SHTN1: variants seen among roughly 807,000 people sequenced by gnomAD.
SHTN1 encodes the protein shootin 1, also known as shootin-1.
A neutral mutation model predicts 83.1 loss-of-function variants in SHTN1; 42 were observed. That is an observed-to-expected ratio of 0.51 (90% CI 0.39 to 0.65). SHTN1 has a LOEUF of 0.65. Among genes scored for constraint, SHTN1 ranks in the 30% least tolerant of loss-of-function variants. SHTN1 has a pLI of 0.00. For missense variants in SHTN1, 622 were observed against 737.8 expected (o/e 0.84, Z 1.82); for synonymous variants, 224 against 247.7 (o/e 0.90, Z 0.90).
chr10:116,887,203 G>A (rs971921830), intron 16 of SHTN1, among the ~76,000 whole-genome samples: 2 of 152,156 alleles, frequency 1.3e-5, no homozygotes, highest in African/African-American at 4.8e-5. Context: ...GGAGAATCAG[G>A]TTTCTTGAGA....
intron 8 of SHTN1, among the ~76,000 whole-genome samples, chr10:116,943,564 T>C (rs529926375): frequency 6.6e-6 from 1 of 152,310 alleles, no homozygotes; most frequent in Non-Finnish European, 1.5e-5. Context: ...TTCCAAGTAA[T>C]AAGAGAAAAA....
intron 1 of SHTN1, among the ~76,000 whole-genome samples, chr10:117,081,846 A>G (rs1323906126): frequency 6.6e-6 from 1 of 151,736 alleles, no homozygotes; most frequent in Admixed American, 6.6e-5. Flanking sequence ...GTATTCTCTG[A>G]TGGTAGTTTG....
At chr10:117,019,803 G>A (rs1852233324) in intron 2 of SHTN1, among the ~76,000 whole-genome samples, 2 of 150,706 alleles carry the variant, frequency 1.3e-5, no homozygotes, top group Admixed American at 1.3e-4. Flanking sequence ...CTCCACAGTG[G>A]GTGACAGAGT....
At chr10:117,117,260 A>G (rs1362707583) in intron 1 of SHTN1, among the ~76,000 whole-genome samples, 3 of 152,202 alleles carry the variant, frequency 2.0e-5, no homozygotes, top group Non-Finnish European at 2.9e-5. Flanking sequence ...AATATGCACC[A>G]ACGACGAACA....
chr10:116,905,407 T>TG (rs1325790291), intron 15 of SHTN1, among the ~76,000 whole-genome samples: 2 of 152,112 alleles, frequency 1.3e-5, no homozygotes, highest in Non-Finnish European at 2.9e-5. Context: ...GTAGTTGTTT[T>TG]GGGGGGCACA....
chr10:116,902,059 G>C (rs1256764119), intron 15 of SHTN1, 102 bp from the exon 16 acceptor site: 13 of 1,035,140 alleles, frequency 1.3e-5, no homozygotes, highest in Non-Finnish European at 1.8e-5. Context: ...GAAGTGAAAA[G>C]GCCAAGTTTG....
chr10:116,923,149 T>C (rs1589809887), intron 11 of SHTN1, among the ~76,000 whole-genome samples: 1 of 151,980 alleles, frequency 6.6e-6, no homozygotes, highest in Non-Finnish European at 1.5e-5. Context: ...CCATAAAAGA[T>C]AGTAATTAGG....
At chr10:116,967,722 T>C (rs1030903549) in intron 3 of SHTN1, among the ~76,000 whole-genome samples, 2 of 152,226 alleles carry the variant, frequency 1.3e-5, no homozygotes, top group African/African-American at 4.8e-5. Flanking sequence ...ATTCCTTTTA[T>C]ATGAATTAAC....
At chr10:116,917,222 C>T (rs1301063584) in intron 12 of SHTN1, among the ~76,000 whole-genome samples, 1 of 152,204 alleles carries the variant, frequency 6.6e-6, no homozygotes, top group Admixed American at 6.5e-5. Context: ...CTTTTGCTGA[C>T]CCTACTCAAA....
intron 1 of SHTN1, among the ~76,000 whole-genome samples, chr10:117,083,929 T>C (rs1399245954): frequency 6.6e-6 from 1 of 151,622 alleles, no homozygotes; most frequent in Non-Finnish European, 1.5e-5. Flanking sequence ...TGTTGGTTAT[T>C]CTAGTTATAC....
chr10:117,029,890 CTTTCT>C lies in SHTN1; in HGVS notation c.-123+18550_-123+18554del, dbSNP rs1461924350. 5.3e-4 allele frequency among the ~76,000 whole-genome samples: 37 copies of C among 69,268 alleles called. No individual in the cohort carries two copies. The Admixed American group carries it at 5.8e-3, about 11-fold the overall frequency. The allele number at this position is 69,268 out of a possible 152,430, so 45.4% of individuals were successfully genotyped here. ...CCTCCCTCTCTCTCTGTCTCTCTCTCTTTCTTTTTTTTTTTTTTTGTGTCTTAGTC... is the reference window on the plus strand; with the variant it reads ...CCTCCCTCTCTCTCTGTCTCTCTCTCTTTTTTTTTTTTTTGTGTCTTAGTC... On this transcript the variant is annotated intron_variant, in intron 2 of 17. Transcript: ENST00000392901.
At chr10:117,062,702 T>TA (rs1156974583) in intron 1 of SHTN1, among the ~76,000 whole-genome samples, 9 of 152,220 alleles carry the variant, frequency 5.9e-5, no homozygotes, top group Admixed American at 5.2e-4. Flanking sequence ...CTATTATTAT[T>TA]AGATTCTTTT....
chr10:116,900,321 T>G, intron 16 of SHTN1: 1 of 568,022 alleles, frequency 1.8e-6, no homozygotes, highest in Non-Finnish European at 3.1e-6. Context: ...ACAAGCAAGA[T>G]GAGAAATAAA....
chr10:117,075,969 G>A (rs1011153863), intron 1 of SHTN1, among the ~76,000 whole-genome samples: 31 of 152,066 alleles, frequency 2.0e-4, no homozygotes, highest in Admixed American at 2.0e-4. Context: ...GACCACTTGA[G>A]TCCAGGAGTT....
chr10:117,033,110 G>A (rs1024427535), intron 2 of SHTN1, among the ~76,000 whole-genome samples: 7 of 151,798 alleles, frequency 4.6e-5, no homozygotes, highest in African/African-American at 7.2e-5. Context: ...TTCAAATAAT[G>A]TAATGATTCA....
chr10:117,103,553 T>G (rs1430846230), intron 1 of SHTN1, among the ~76,000 whole-genome samples: 2 of 142,678 alleles, frequency 1.4e-5, no homozygotes, highest in African/African-American at 5.2e-5. Flanking sequence ...TTTTTTTTTT[T>G]TTGAGACGGA....
At chr10:117,084,239 C>T (rs1448683878) in intron 1 of SHTN1, among the ~76,000 whole-genome samples, 3 of 151,922 alleles carry the variant, frequency 2.0e-5, no homozygotes, top group African/African-American at 7.2e-5. Context: ...GATGTCCTTT[C>T]TGTTTGTTAG....
chr10:116,882,305 G>T lies in SHTN1; in HGVS notation c.*4039C>A, dbSNP rs994265850. ...TTTTGGAGTAAGAATGAGTATAAATGAATAAGCACATCAGTAAATGAATTA... is the reference window on the plus strand; with the variant it reads ...TTTTGGAGTAAGAATGAGTATAAATTAATAAGCACATCAGTAAATGAATTA... On this transcript the variant is annotated 3_prime_UTR_variant, in exon 17 of 17. Transcript: ENST00000355371. 1.3e-5 allele frequency: 2 copies of T among 150,278 alleles called. No individual in the cohort carries two copies. Among genetic ancestry groups the T allele is most frequent in the South Asian group, 4.2e-4 (2 of 4,762 alleles). 9.3% of individuals were successfully genotyped at this position (150,278 alleles called of 1,614,324 possible). A position where few individuals can be genotyped will look rare whatever the true frequency, so the allele number is the denominator to read the frequency against.
At chr10:116,957,793 C>T (rs1182650434) in intron 4 of SHTN1, among the ~76,000 whole-genome samples, 1 of 152,142 alleles carries the variant, frequency 6.6e-6, no homozygotes, top group Non-Finnish European at 1.5e-5. Context: ...GGCGCAGTGG[C>T]TCACGCCTGT....
Sources: allele counts gnomAD v4.1 joint callset (sites outside exome capture counted in the v4.1 genomes callset), GRCh38; gene constraint gnomAD v4.1.1; transcripts MANE v1.5; gene names NCBI Gene and HGNC (gene_info 2026-07-23, HGNC 2026-07-21).